Variants in RBPMS observed in about 807,000 individuals in gnomAD.
RBPMS encodes the protein RNA-binding protein with multiple splicing.
In RBPMS, 7 loss-of-function variants were observed where a neutral mutation model predicts 26.8. The observed-to-expected ratio is 0.26, with a 90% CI of 0.15 to 0.49. RBPMS has a LOEUF of 0.49. RBPMS is among the 20% of genes least tolerant of loss of function. RBPMS has a pLI of 0.98. For synonymous variants in RBPMS, 96 were observed against 93.3 expected, an observed-to-expected ratio of 1.03 and a Z score of -0.17; for missense variants, 186 against 250.0, an observed-to-expected ratio of 0.74 and a Z score of 1.73.
At chr8:30,423,223 TA>T (rs1421412796) in intron 1 of RBPMS, among the ~76,000 whole-genome samples, 5 of 152,350 alleles carry the variant, frequency 3.3e-5, no homozygotes, top group Non-Finnish European at 5.9e-5. Flanking sequence ...GGGCTCTTTT[TA>T]TTCTTTCTTC....
chr8:30,533,547 A>G (rs1324172116), intron 5 of RBPMS, among the ~76,000 whole-genome samples: 4 of 152,174 alleles, frequency 2.6e-5, no homozygotes, highest in Admixed American at 2.6e-4. Flanking sequence ...TTTCACAGTA[A>G]TTGGCAGTAA....
At chr8:30,445,784 C>T (rs1052424434) in intron 1 of RBPMS, among the ~76,000 whole-genome samples, 1 of 151,674 alleles carries the variant, frequency 6.6e-6, no homozygotes, top group African/African-American at 2.4e-5. Context: ...CCTATATCAC[C>T]TTAGCCTCCT....
intron 6 of RBPMS, among the ~76,000 whole-genome samples, chr8:30,548,583 G>T (rs1826048235): frequency 6.6e-6 from 1 of 152,212 alleles, no homozygotes; most frequent in Non-Finnish European, 1.5e-5. Flanking sequence ...GACTGCCTGA[G>T]GACAAGGCAT....
At position 30,533,027 on chromosome 8, in the gene RBPMS, T is replaced by A. The variant is rs565560566; in HGVS notation, c.398-11467T>A. Among the ~76,000 whole-genome samples the A allele has an allele frequency of 4.6e-5, 7 of 152,374 alleles. 2 individuals carry two copies. Among genetic ancestry groups the A allele is most frequent in the African/African-American group, 1.7e-4 (7 of 41,586 alleles). On this transcript the variant is annotated intron_variant, in intron 5 of 8. Transcript: ENST00000397323. ...TCAGTGTTTGTTGAAGACAAACAGT[T>A]GTTAACCAAGATGAATTTAAATGTG...
chr8:30,421,558 T>C (rs1414074166), intron 1 of RBPMS, among the ~76,000 whole-genome samples: 9 of 152,190 alleles, frequency 5.9e-5, no homozygotes, highest in Admixed American at 4.6e-4. Context: ...ACATGACAAA[T>C]TATTTTTTAC....
chr8:30,388,406 C>T (rs1299219937), intron 1 of RBPMS, among the ~76,000 whole-genome samples: 2 of 148,858 alleles, frequency 1.3e-5, no homozygotes, highest in Non-Finnish European at 3.0e-5. Context: ...TAGCTTATAA[C>T]TTATAGCTAT....
rs1346146528 is a variant in RBPMS, at chr8:30,571,591, G to A, written c.*1066G>A. 6.6e-6 allele frequency: 1 copy of A among 152,276 alleles called. No individual in the cohort carries two copies. The highest frequency in any genetic ancestry group is 1.9e-4 in the East Asian group (1 of 5,196). 9.4% of individuals were successfully genotyped at this position (152,276 alleles called of 1,614,324 possible). On this transcript the variant is annotated 3_prime_UTR_variant, in exon 9 of 9. Transcript: ENST00000397323. ...TTGTTTGCAAAACACCGGCTGAACT[G>A]AGCTGGTGTTGCCAACTCTTGGCAG... is the stretch of plus-strand genomic sequence containing the variant.
At chr8:30,480,004 T>TA (rs765094712) in intron 4 of RBPMS, among the ~76,000 whole-genome samples, 17 of 152,332 alleles carry the variant, frequency 1.1e-4, no homozygotes, top group Admixed American at 3.9e-4. Flanking sequence ...TTTTGGTGAA[T>TA]ATTTTTCCTC....
rs1806918742 is a variant in RBPMS at position 30,385,408 on chromosome 8, C to A, written c.66+250C>A. On this transcript the variant is annotated intron_variant, in intron 1 of 8. Transcript: ENST00000397323. ...AGACTTTTGTAAGTATAATGCTCAG[C>A]TTTGTTTGCCCGGGATTTATAAGTG... is the stretch of plus-strand genomic sequence containing the variant. The A allele has an allele frequency of 1.1e-5, 4 of 354,926 alleles. No individual in the cohort carries two copies. In the Admixed American group the frequency reaches 1.4e-4, roughly 13 times the overall value. The allele number at this position is 354,926 out of a possible 1,614,324, so 22.0% of individuals were successfully genotyped here. A position where few individuals can be genotyped will look rare whatever the true frequency, so the allele number is the denominator to read the frequency against.
intron 1 of RBPMS, among the ~76,000 whole-genome samples, chr8:30,464,093 T>G (rs551915673): frequency 6.6e-6 from 1 of 152,346 alleles, no homozygotes; most frequent in South Asian, 2.1e-4. Flanking sequence ...AGGTTGAGGC[T>G]GCAGTGAGCT....
chr8:30,384,962 C>A lies in RBPMS; in HGVS notation c.-131C>A. 1 of 552,750 alleles carries A rather than the reference C, an allele frequency of 1.8e-6. No individual in the cohort carries two copies. The allele number at this position is 552,750 out of a possible 1,614,324, so 34.2% of individuals were successfully genotyped here. On this transcript the variant is annotated 5_prime_UTR_variant, in exon 1 of 9. Transcript: ENST00000397323. The surrounding 1 kb of genome is among the most constrained non-coding windows in gnomAD (Gnocchi z 5.6). Reference sequence around the variant, plus strand: ...CCGACAGCCACTGCCCCGGCTCCAGCTCCAGCCCCACAGCCCGCGGCGCCC... The same window carrying A: ...CCGACAGCCACTGCCCCGGCTCCAGATCCAGCCCCACAGCCCGCGGCGCCC...
intron 4 of RBPMS, among the ~76,000 whole-genome samples, chr8:30,500,516 G>T (rs530278949): frequency 1.3e-5 from 2 of 152,088 alleles, no homozygotes; most frequent in African/African-American, 4.8e-5. Context: ...AACAACACTG[G>T]GAGCCTGAAG....
At chr8:30,520,338 T>G (rs920431020) in intron 5 of RBPMS, among the ~76,000 whole-genome samples, 1 of 152,168 alleles carries the variant, frequency 6.6e-6, no homozygotes, top group African/African-American at 2.4e-5. Context: ...TGTGGGGGGT[T>G]GTTTGTTGCA....
At chr8:30,486,803 C>T (rs553791152) in intron 4 of RBPMS, among the ~76,000 whole-genome samples, 3 of 152,288 alleles carry the variant, frequency 2.0e-5, no homozygotes, top group Admixed American at 2.0e-4. Flanking sequence ...CTCAACTTCA[C>T]CCAGCTCTTC....
At chr8:30,484,414 AG>A (rs2150863328) in intron 4 of RBPMS, among the ~76,000 whole-genome samples, 1 of 152,274 alleles carries the variant, frequency 6.6e-6, no homozygotes, top group East Asian at 1.9e-4. Context: ...AAGTAACAGA[AG>A]GGGGAAAAAC....
At chr8:30,548,830 T>TA (rs1450549585) in intron 6 of RBPMS, among the ~76,000 whole-genome samples, 2 of 151,892 alleles carry the variant, frequency 1.3e-5, no homozygotes, top group African/African-American at 2.4e-5. Context: ...AAACTAGATT[T>TA]AAAAAAAAGC....
intron 1 of RBPMS, among the ~76,000 whole-genome samples, chr8:30,437,457 C>T (rs1433468690): frequency 6.6e-6 from 1 of 150,684 alleles, no homozygotes; most frequent in Non-Finnish European, 1.5e-5. Context: ...GAGTTCCAGA[C>T]CAGCCTGGCC....
Position 30,511,471 on chromosome 8 carries a change from GAAA to G in RBPMS, c.397+7049_397+7051del, listed in dbSNP as rs1188894079. On this transcript the variant is annotated intron_variant, in intron 5 of 8. Transcript: ENST00000397323. Reference sequence around the variant, plus strand: ...ACCCCATCTCTTTAAAACAAAAAAAGAAAAAAAAAAAAAAAATATATATATATA... The same window carrying G: ...ACCCCATCTCTTTAAAACAAAAAAAGAAAAAAAAAAAAATATATATATATA... Among the ~76,000 whole-genome samples, 81 of 11,124 alleles carry G rather than the reference GAAA, an allele frequency of 7.3e-3. 2 individuals carry two copies. The highest frequency in any genetic ancestry group is 0.019 in the African/African-American group (77 of 3,986). The allele number at this position is 11,124 out of a possible 152,430, so 7.3% of individuals were successfully genotyped here. A position where few individuals can be genotyped will look rare whatever the true frequency, so the allele number is the denominator to read the frequency against.
At chr8:30,425,709 T>C (rs1433711784) in intron 1 of RBPMS, among the ~76,000 whole-genome samples, 1 of 151,986 alleles carries the variant, frequency 6.6e-6, no homozygotes, top group Admixed American at 6.6e-5. Context: ...CCGGTGGCTT[T>C]TTTTCTTAAA....
Sources: gnomAD v4.1 joint callset for allele counts (sites outside exome capture counted in the v4.1 genomes callset) on GRCh38, gnomAD v4.1.1 for gene constraint, Gnocchi (gnomAD v3.1) non-coding constraint, MANE v1.5 for transcripts, NCBI Gene and HGNC (gene_info 2026-07-23, HGNC 2026-07-21) for gene names.